HNMT: variants seen among roughly 807,000 people sequenced by gnomAD.
HNMT encodes the protein histamine N-methyltransferase.
In HNMT, 30 loss-of-function variants were observed where a neutral mutation model predicts 32.1. That is an observed-to-expected ratio of 0.93 (90% CI 0.70 to 1.27). The LOEUF is 1.27. Ranked by LOEUF, HNMT falls within the 50% of genes most tolerant of loss-of-function variation. The pLI is 0.00. For missense variants in HNMT, 327 were observed against 346.0 expected, an observed-to-expected ratio of 0.95 and a Z score of 0.43; for synonymous variants, 125 against 119.0, an observed-to-expected ratio of 1.05 and a Z score of -0.33.
chr2:137,980,043 T>G (rs1048190775), intron 2 of HNMT, among the ~76,000 whole-genome samples: 15 of 151,468 alleles, frequency 9.9e-5, no homozygotes, highest in Non-Finnish European at 1.8e-4. Context: ...ACAGGTTTTT[T>G]TTTTTTTTTT....
chr2:137,994,418 A>G (rs1165906005), intron 2 of HNMT, among the ~76,000 whole-genome samples: 3 of 152,174 alleles, frequency 2.0e-5, no homozygotes, highest in African/African-American at 7.2e-5. Context: ...AACAAAGATC[A>G]AAAAAGACAA....
In HNMT at chr2:137,993,738, T is replaced by G. The variant is rs1428619025; in HGVS notation, c.191-7180T>G. 5.3e-5 allele frequency among the ~76,000 whole-genome samples: 8 copies of G among 152,064 alleles called. No homozygotes were observed. The East Asian group carries it at 1.5e-3, about 29-fold the overall frequency. On this transcript the variant is annotated intron_variant, in intron 2 of 5. Transcript: ENST00000280097. The stretch of plus-strand genomic sequence containing the variant: ...GACACATAATCATCAGATTGAAGAT[T>G]GAAATGAAAGAAAATTGTTAAGGGC...
intron 5 of HNMT, among the ~76,000 whole-genome samples, chr2:138,008,173 C>T (rs2604468): frequency 0.23 from 35,287 of 151,822 alleles, 4,327 homozygotes; most frequent in South Asian, 0.3. Context: ...TCAATGTCTG[C>T]TGTTTCCTTC....
intron 2 of HNMT, among the ~76,000 whole-genome samples, chr2:137,997,435 C>T (rs879443955): frequency 6.6e-6 from 1 of 152,148 alleles, no homozygotes. Flanking sequence ...CTCAATATCG[C>T]TGATCATCAG....
chr2:137,975,160 A>C lies in HNMT; in HGVS notation c.190+4943A>C, dbSNP rs1025733586. ...ATCAATTTAGAGGTTTATTTTACCA[A>C]GGTTGAGGATGCAACTGAGAAAAAG... On this transcript the variant is annotated intron_variant, in intron 2 of 5. Transcript: ENST00000280097. Among the ~76,000 whole-genome samples, 9 of 152,364 alleles carry C rather than the reference A, an allele frequency of 5.9e-5. No homozygotes were observed. The East Asian group carries it at 1.7e-3, about 29-fold the overall frequency.
At position 138,014,101 on chromosome 2, in the gene HNMT, A is replaced by G; in HGVS notation, c.850A>G (p.Thr284Ala). 6.3e-7 allele frequency: 1 copy of G among 1,597,032 alleles called. No individual in the cohort carries two copies. Among genetic ancestry groups the G allele is most frequent in the South Asian group, 1.1e-5 (1 of 89,654 alleles). Residue 284 changes from threonine (T) to alanine (A), a missense_variant, in exon 6 of 6, where the codon ACT (threonine) becomes GCT (alanine). Thr to Ala is a moderately conservative substitution (Grantham distance 58). Coordinates refer to ENST00000280097, the MANE Select transcript of HNMT (RefSeq NM_006895.3). ...KKEGKVLFNN[T>A]LSFIVIEA Reference sequence around the variant, plus strand: ...AGAGGGGAAGGTTCTTTTTAATAATACTCTGAGTTTCATAGTGATTGAGGC... The same window carrying G: ...AGAGGGGAAGGTTCTTTTTAATAATGCTCTGAGTTTCATAGTGATTGAGGC...
At chr2:138,008,555 A>G (rs1681398898) in intron 5 of HNMT, among the ~76,000 whole-genome samples, 1 of 152,026 alleles carries the variant, frequency 6.6e-6, no homozygotes, top group African/African-American at 2.4e-5. Flanking sequence ...ACCAAACAGC[A>G]TGGTACTGGT....
chr2:138,003,322 TA>T (rs1681238726), intron 4 of HNMT, among the ~76,000 whole-genome samples: 1 of 152,090 alleles, frequency 6.6e-6, no homozygotes, highest in South Asian at 2.1e-4. Flanking sequence ...CTGAATAGCA[TA>T]AGGGATGTAT....
intron 2 of HNMT, among the ~76,000 whole-genome samples, chr2:137,975,126 C>T (rs1411020492): frequency 1.3e-5 from 2 of 152,182 alleles, no homozygotes; most frequent in African/African-American, 2.4e-5. Context: ...GTGTCTGAGA[C>T]AGCTCTCAAT....
chr2:137,982,510 C>T (rs73961907), intron 2 of HNMT, among the ~76,000 whole-genome samples: 5,854 of 152,128 alleles, frequency 0.038, 390 homozygotes, highest in African/African-American at 0.13. Context: ...ATCTGAGGGA[C>T]ACGGTGGTAC....
intron 5 of HNMT, among the ~76,000 whole-genome samples, chr2:138,012,410 T>G (rs541292129): frequency 1.3e-5 from 2 of 152,252 alleles, no homozygotes; most frequent in Non-Finnish European, 2.9e-5. Context: ...CTACAAACAT[T>G]GCTAAAAGGT....
chr2:137,974,372 C>G (rs1030058230), intron 2 of HNMT, among the ~76,000 whole-genome samples: 1 of 152,092 alleles, frequency 6.6e-6, no homozygotes, highest in South Asian at 2.1e-4. Context: ...CTGGGTCCAT[C>G]AACATTGGTG....
chr2:137,976,839 T>C (rs1257099925), intron 2 of HNMT, among the ~76,000 whole-genome samples: 1 of 152,236 alleles, frequency 6.6e-6, no homozygotes, highest in Non-Finnish European at 1.5e-5. Context: ...CCCCATTGTA[T>C]TGTATTTAAA....
At position 138,000,207 on chromosome 2, in the gene HNMT, C is replaced by G. The variant is rs116713596; in HGVS notation, c.191-711C>G. 3.2e-3 allele frequency among the ~76,000 whole-genome samples: 491 copies of G among 152,214 alleles called. 2 individuals are homozygous for G. Among genetic ancestry groups the G allele is most frequent in the Non-Finnish European group, 6.0e-3 (408 of 67,994 alleles). On this transcript the variant is annotated intron_variant, in intron 2 of 5. Coordinates refer to ENST00000280097, the MANE Select transcript of HNMT (RefSeq NM_006895.3). The stretch of plus-strand genomic sequence containing the variant: ...CTGTACCTGCAATCCCTCACTTCCC[C>G]ACAGTTTCTGGGCTAACTCCCACTT...
intron 2 of HNMT, among the ~76,000 whole-genome samples, chr2:137,991,241 G>A (rs1164632061): frequency 6.6e-6 from 1 of 152,218 alleles, no homozygotes; most frequent in Non-Finnish European, 1.5e-5. Flanking sequence ...TTCAAATCCT[G>A]TTCTCTTGGG....
chr2:137,969,039 T>G (rs1680044078), intron 1 of HNMT, among the ~76,000 whole-genome samples: 1 of 152,208 alleles, frequency 6.6e-6, no homozygotes, highest in Admixed American at 6.5e-5. Context: ...GTCTTCAATC[T>G]TCTTTTACAA....
chr2:138,007,226 C>T lies in HNMT; in HGVS notation c.523+2001C>T, dbSNP rs193093719. The stretch of plus-strand genomic sequence containing the variant: ...CTTCGCAAAAGTAGAAGAAAGATTT[C>T]GATATTTTATTTGGGGCTTTCTACG... On this transcript the variant is annotated intron_variant, in intron 5 of 5. Transcript: ENST00000280097. Among the ~76,000 whole-genome samples, 48 of 152,054 alleles carry T rather than the reference C, an allele frequency of 3.2e-4. No individual in the cohort carries two copies. The East Asian group carries it at 7.1e-3, about 23-fold the overall frequency.
Position 138,013,770 on chromosome 2 carries a change from C to T in HNMT, c.524-5C>T. On this transcript the variant is annotated splice_region_variant and splice_polypyrimidine_tract_variant and intron_variant, in intron 5 of 5. Transcript: ENST00000280097. ...TGAAAGCATGACTTGTGTTTTATTG[C>T]ACAGGAAGCAGTGGCTGGGACAAGC... 1 of 1,605,158 alleles carries T rather than the reference C, an allele frequency of 6.2e-7. No homozygotes were observed. The highest frequency in any genetic ancestry group is 1.7e-4 in the Middle Eastern group (1 of 6,024).
intron 1 of HNMT, chr2:137,967,148 C>T (rs1355824350): frequency 1.0e-5 from 8 of 776,832 alleles, no homozygotes; most frequent in East Asian, 4.9e-5. Context: ...TGTTGGTTCA[C>T]GCCTGTAATC....
Sources: allele counts gnomAD v4.1 joint callset (sites outside exome capture counted in the v4.1 genomes callset), GRCh38; gene constraint gnomAD v4.1.1; transcripts MANE v1.5; gene names NCBI Gene and HGNC (gene_info 2026-07-23, HGNC 2026-07-21).